The following RRBP1 variants were observed in gnomAD, a reference collection of about 807,000 sequenced individuals.
RRBP1 encodes ribosome-binding protein 1.
RRBP1 carries 94 observed loss-of-function variants against 165.2 expected under a neutral mutation model. The observed-to-expected ratio is 0.57, with a 90% CI of 0.48 to 0.68. The LOEUF (loss-of-function observed/expected upper bound fraction) is 0.68. Among genes scored for constraint, RRBP1 ranks in the 30% least tolerant of loss-of-function variants. RRBP1 has a pLI of 0.00. For missense variants in RRBP1, 1,676 were observed against 1,763.0 expected (o/e 0.95, Z 0.88); for synonymous variants, 680 against 714.5 (o/e 0.95, Z 0.77).
intron 3 of RRBP1, among the ~76,000 whole-genome samples, chr20:17,647,969 G>A (rs1001783189): frequency 1.3e-5 from 2 of 152,166 alleles, no homozygotes; most frequent in Admixed American, 1.3e-4. Flanking sequence ...GTAAGAAGGT[G>A]AAGACCCTGG....
chr20:17,630,646 A>G (rs2036130639), intron 8 of RRBP1, among the ~76,000 whole-genome samples: 1 of 152,202 alleles, frequency 6.6e-6, no homozygotes, highest in African/African-American at 2.4e-5. Flanking sequence ...GGTGCTCCAC[A>G]GGACACCCTC....
intron 2 of RRBP1, 24 bp from the exon 3 acceptor site, chr20:17,660,552 C>CTATT (rs2036747155): frequency 7.0e-7 from 1 of 1,419,706 alleles, no homozygotes; most frequent in African/African-American, 1.4e-5. Flanking sequence ...ATGGAGGTTA[C>CTATT]TATTTATAGA....
chr20:17,618,564 A>G, intron 20 of RRBP1, 32 bp downstream of exon 20: 4 of 1,548,896 alleles, frequency 2.6e-6, no homozygotes, highest in South Asian at 2.2e-5. Context: ...CCCAGGTCAC[A>G]CTCCTGGCAT....
At chr20:17,623,415 G>A (rs376857412) in intron 13 of RRBP1, 1 of 152,276 alleles carries the variant, frequency 6.6e-6, no homozygotes, top group East Asian at 1.9e-4. Context: ...TGACCTCAAA[G>A]TGTGGGCAGG....
intron 19 of RRBP1, chr20:17,619,421 C>A: frequency 4.3e-6 from 2 of 467,454 alleles, no homozygotes; most frequent in East Asian, 3.4e-5. Context: ...CCTGTCCTGG[C>A]TGGGAGGCTG....
intron 4 of RRBP1, among the ~76,000 whole-genome samples, chr20:17,642,549 G>A (rs2036382804): frequency 1.3e-5 from 2 of 152,118 alleles, no homozygotes; most frequent in Admixed American, 6.5e-5. Flanking sequence ...GCACTTCTTG[G>A]GCACAGCTCT....
chr20:17,624,187 C>T (rs1026983795), intron 13 of RRBP1, among the ~76,000 whole-genome samples: 6 of 152,166 alleles, frequency 3.9e-5, no homozygotes, highest in Non-Finnish European at 5.9e-5. Flanking sequence ...AAGGGAAGGA[C>T]GGCAGGGAAG....
At chr20:17,655,356 G>GA (rs2036627889) in intron 3 of RRBP1, among the ~76,000 whole-genome samples, 1 of 152,108 alleles carries the variant, frequency 6.6e-6, no homozygotes, top group Admixed American at 6.5e-5. Flanking sequence ...CTACATTGAA[G>GA]AAAAAAATCA....
intron 2 of RRBP1, among the ~76,000 whole-genome samples, chr20:17,662,486 C>T (rs2036784662): frequency 6.6e-6 from 1 of 152,142 alleles, no homozygotes; most frequent in African/African-American, 2.4e-5. Flanking sequence ...CTTTTCATTC[C>T]AGTCTTAACC....
At chr20:17,622,693 C>A (rs2035938280) in intron 13 of RRBP1, among the ~76,000 whole-genome samples, 1 of 152,084 alleles carries the variant, frequency 6.6e-6, no homozygotes, top group Admixed American at 6.5e-5. Context: ...CCAAGGGAAT[C>A]ATGAAGCAAA....
intron 7 of RRBP1, among the ~76,000 whole-genome samples, chr20:17,633,818 T>A (rs988363626): frequency 6.6e-6 from 1 of 152,214 alleles, no homozygotes; most frequent in Admixed American, 6.5e-5. Flanking sequence ...ATATAGTGCA[T>A]GAACCAGAGA....
At chr20:17,630,196 C>T (rs1384164501) in intron 8 of RRBP1, among the ~76,000 whole-genome samples, 1 of 152,228 alleles carries the variant, frequency 6.6e-6, no homozygotes, top group Non-Finnish European at 1.5e-5. Flanking sequence ...CTTCCCAGTT[C>T]TTTTCTGAGT....
In RRBP1 at chr20:17,643,274, C is replaced by G; in HGVS notation, c.1913-147G>C. ...GGTCAGCAGGCTGAGCATGGCGAGT[C>G]TGCTCCAGTGTCTCCTGCTCTTTCA... On this transcript the variant is annotated intron_variant, in intron 3 of 24. Coordinates refer to ENST00000377813, the MANE Select transcript of RRBP1 (RefSeq NM_001365613.2). The surrounding 1 kb of genome is among the most constrained non-coding windows in gnomAD (Gnocchi z 4.3). The G allele has an allele frequency of 1.3e-6, 1 of 758,346 alleles. No homozygotes were observed. Among genetic ancestry groups the G allele is most frequent in the Non-Finnish European group, 2.1e-6 (1 of 472,786 alleles). The allele number at this position is 758,346 out of a possible 1,614,324, so 47.0% of individuals were successfully genotyped here. A position where few individuals can be genotyped will look rare whatever the true frequency, so the allele number is the denominator to read the frequency against.
Position 17,641,921 on chromosome 20 carries a change from T to C in RRBP1, c.2062-2A>G. ...CACAGGGTCACCCTTCTGAGTGGCCTAGAAATACCCAGAGATGCGTTAACA... is the reference window on the plus strand; with the variant it reads ...CACAGGGTCACCCTTCTGAGTGGCCCAGAAATACCCAGAGATGCGTTAACA... On this transcript the variant is annotated splice_acceptor_variant, in intron 4 of 24. Coordinates refer to ENST00000377813, the MANE Select transcript of RRBP1 (RefSeq NM_001365613.2). LOFTEE classifies it high-confidence loss of function. 2.5e-6 allele frequency: 4 copies of C among 1,612,862 alleles called. No individual in the cohort carries two copies. In the East Asian group the frequency reaches 6.7e-5, roughly 27 times the overall value.
intron 5 of RRBP1, among the ~76,000 whole-genome samples, chr20:17,640,774 T>G (rs990895614): frequency 6.6e-6 from 1 of 151,938 alleles, no homozygotes; most frequent in Non-Finnish European, 1.5e-5. Flanking sequence ...GTCCTGCCCA[T>G]CCCCCACCCA....
intron 1 of RRBP1, 64 bp downstream of exon 1, chr20:17,681,964 G>A (rs1375865218): frequency 1.4e-5 from 2 of 148,112 alleles, no homozygotes; most frequent in Non-Finnish European, 3.0e-5. Context: ...CAGCGCGGCC[G>A]GCCCCGGCCC....
chr20:17,635,098 G>A (rs965517003), intron 7 of RRBP1, among the ~76,000 whole-genome samples: 4 of 152,172 alleles, frequency 2.6e-5, no homozygotes, highest in Admixed American at 6.5e-5. Context: ...CTCGAGGGCT[G>A]CCACTGAGGG....
chr20:17,679,384 C>T (rs1600196181), intron 2 of RRBP1, among the ~76,000 whole-genome samples: 1 of 152,218 alleles, frequency 6.6e-6, no homozygotes, highest in East Asian at 1.9e-4. Context: ...CATGCACAGA[C>T]GGACAGCACA....
intron 13 of RRBP1, 114 bp downstream of exon 13, chr20:17,624,462 T>A (rs1224648719): frequency 1.4e-6 from 1 of 717,602 alleles, no homozygotes; most frequent in East Asian, 2.7e-5. Flanking sequence ...TCTGTCCTAG[T>A]GCATCTGTGC....
Sources: allele counts gnomAD v4.1 joint callset (sites outside exome capture counted in the v4.1 genomes callset), GRCh38; gene constraint gnomAD v4.1.1; non-coding constraint Gnocchi (gnomAD v3.1); transcripts MANE v1.5; gene names NCBI Gene and HGNC (gene_info 2026-07-23, HGNC 2026-07-21).